LAMB1: variants seen among roughly 807,000 people sequenced by gnomAD.
The protein encoded by LAMB1 is laminin subunit beta-1.
LAMB1 carries 121 observed loss-of-function variants against 222.3 expected under a neutral mutation model. The observed-to-expected ratio is 0.54, with a 90% CI of 0.47 to 0.63. The LOEUF (loss-of-function observed/expected upper bound fraction) is 0.63. LAMB1 is among the 30% of genes least tolerant of loss of function. The pLI is 0.00. For missense variants in LAMB1, 2,172 were observed against 2,240.8 expected (o/e 0.97, Z 0.62); for synonymous variants, 794 against 807.2 (o/e 0.98, Z 0.28).
At chr7:107,944,567 G>A (rs2033070073) in intron 24 of LAMB1, among the ~76,000 whole-genome samples, 3 of 152,136 alleles carry the variant, frequency 2.0e-5, no homozygotes, top group Admixed American at 2.0e-4. Flanking sequence ...AGTCTCAAAT[G>A]TACCAGGTTT....
At chr7:107,924,461 T>A in intron 32 of LAMB1, 72 bp from the exon 33 acceptor site, 1 of 1,207,314 alleles carries the variant, frequency 8.3e-7, no homozygotes, top group Non-Finnish European at 1.1e-6. Flanking sequence ...AGCAATAGTG[T>A]AATCATGGCA....
chr7:107,936,000 C>T (rs931417599), intron 26 of LAMB1, among the ~76,000 whole-genome samples: 9 of 152,162 alleles, frequency 5.9e-5, no homozygotes, highest in South Asian at 2.1e-4. Flanking sequence ...ATCCTTTATT[C>T]GGATCCACTC....
chr7:108,001,446 C>CTGCGCTTCCTATCTGGAT (rs2034381179), intron 3 of LAMB1, 112 bp downstream of exon 3: 2 of 1,242,766 alleles, frequency 1.6e-6, no homozygotes, highest in Non-Finnish European at 2.2e-6. Context: ...CCCCGGCTGG[C>CTGCGCTTCCTATCTGGAT]TGCGCTTCCT....
At chr7:107,959,606 A>G in intron 19 of LAMB1, 85 bp downstream of exon 19, 1 of 1,612,862 alleles carries the variant, frequency 6.2e-7, no homozygotes, top group Non-Finnish European at 8.5e-7. Flanking sequence ...TCAGGAGGGA[A>G]GCATCGGCTC....
intron 17 of LAMB1, 134 bp from the exon 18 acceptor site, chr7:107,960,783 T>C: frequency 2.9e-6 from 2 of 689,468 alleles, no homozygotes; most frequent in Non-Finnish European, 4.9e-6. Context: ...TTAAATAAAG[T>C]ATAAACCTCC....
chr7:107,954,938 A>G (rs2033343067), intron 21 of LAMB1, among the ~76,000 whole-genome samples: 1 of 151,946 alleles, frequency 6.6e-6, no homozygotes, highest in South Asian at 2.1e-4. Flanking sequence ...TTACATATAA[A>G]CATAATCAGT....
rs387907344 is a variant in LAMB1 at position 107,961,205 on chromosome 7, C to A, written c.2109+1G>T. Reference sequence around the variant, plus strand: ...TATGCCAGAAGCAATCTCGCACTTACAGAATCGATCAGCGTGTAGGGGCTC... The same window carrying A: ...TATGCCAGAAGCAATCTCGCACTTAAAGAATCGATCAGCGTGTAGGGGCTC... On this transcript the variant is annotated splice_donor_variant, in intron 17 of 33. Transcript: ENST00000222399. LOFTEE classifies it high-confidence loss of function. 2 of 1,613,998 alleles carry A rather than the reference C, an allele frequency of 1.2e-6. No homozygotes were observed. Among genetic ancestry groups the A allele is most frequent in the East Asian group, 2.2e-5 (1 of 44,870 alleles).
At chr7:107,928,614 TC>T (rs1473566914) in intron 31 of LAMB1, among the ~76,000 whole-genome samples, 1 of 152,008 alleles carries the variant, frequency 6.6e-6, no homozygotes, top group African/African-American at 2.4e-5. Flanking sequence ...TGCCTTAGCC[TC>T]CCAGGTAGCT....
In LAMB1 at chr7:107,932,284, G is replaced by GCC. The variant is rs752734751; in HGVS notation, c.4280_4281dup (p.Pro1428GlyfsTer26). 6 of 1,614,038 alleles carry GCC rather than the reference G, an allele frequency of 3.7e-6. No individual in the cohort carries two copies. The highest frequency in any genetic ancestry group is 2.2e-5 in the East Asian group (1 of 44,900). ...ACAGTAACCAGACCACCACAGCCAG[G>GCC]CCCCCCACACTTCCTCTCTCCTTCG... is the stretch of plus-strand genomic sequence containing the variant. On this transcript the variant is annotated frameshift_variant, in exon 28 of 34. Coordinates refer to ENST00000222399, the MANE Select transcript of LAMB1 (RefSeq NM_002291.3). LOFTEE classifies it high-confidence loss of function.
At position 107,952,216 on chromosome 7, in the gene LAMB1, GACAC is replaced by G. The variant is rs764285590; in HGVS notation, c.3083_3086del (p.Cys1028SerfsTer32). On this transcript the variant is annotated frameshift_variant, in exon 23 of 34. Coordinates refer to ENST00000222399, the MANE Select transcript of LAMB1 (RefSeq NM_002291.3). LOFTEE classifies it high-confidence loss of function. ...CTTGCACGGTGCCCAGGTAATTACA[GACAC>G]ACTCTGCAAAAGAACATCACATTTA... The G allele has an allele frequency of 6.3e-7, 1 of 1,597,014 alleles. No individual in the cohort carries two copies. The highest frequency in any genetic ancestry group is 1.7e-5 in the Admixed American group (1 of 59,546).
At chr7:107,962,812 A>G in intron 15 of LAMB1, 93 bp downstream of exon 15, 1 of 1,038,180 alleles carries the variant, frequency 9.6e-7, no homozygotes, top group Non-Finnish European at 1.4e-6. Context: ...CAACCTCCAT[A>G]TTTCATAACT....
In LAMB1 at chr7:107,975,234, A is replaced by G; in HGVS notation, c.1369T>C (p.Ser457Pro). ...CAAACTTTTTAGCAAACAGACCTAC[A>G]TTTACAACCAAATGGATCTTCACTG... ...LSSEDPFGCKSCACNPLGTIP... is the reference protein window; with the variant it reads ...LSSEDPFGCKPCACNPLGTIP... Residue 457 changes from serine to proline, a missense_variant and splice_region_variant, in exon 11 of 34, where the codon TCT becomes CCT. Coordinates refer to ENST00000222399, the MANE Select transcript of LAMB1 (RefSeq NM_002291.3). The G allele has an allele frequency of 6.2e-7, 1 of 1,609,724 alleles. No individual in the cohort carries two copies. Among genetic ancestry groups the G allele is most frequent in the East Asian group, 2.2e-5 (1 of 44,774 alleles).
At chr7:107,997,098 T>G (rs754460248) in intron 4 of LAMB1, among the ~76,000 whole-genome samples, 1 of 152,332 alleles carries the variant, frequency 6.6e-6, no homozygotes, top group African/African-American at 2.4e-5. Flanking sequence ...CCAACTCTCC[T>G]TAGAAACCAA....
At chr7:107,965,861 G>A (rs2033624611) in intron 13 of LAMB1, among the ~76,000 whole-genome samples, 1 of 152,064 alleles carries the variant, frequency 6.6e-6, no homozygotes, top group South Asian at 2.1e-4. Context: ...CACACTTTGG[G>A]AGGCCAAGGC....
At chr7:107,994,595 A>C (rs2150452879) in intron 5 of LAMB1, among the ~76,000 whole-genome samples, 1 of 152,330 alleles carries the variant, frequency 6.6e-6, no homozygotes, top group Admixed American at 6.5e-5. Flanking sequence ...TGCGGTTTGG[A>C]AAAGGGTCAA....
chr7:107,992,944 A>G (rs1033327319), intron 5 of LAMB1, among the ~76,000 whole-genome samples: 3 of 152,080 alleles, frequency 2.0e-5, no homozygotes, highest in Non-Finnish European at 4.4e-5. Context: ...ATTCTGTCCT[A>G]TGTCCTATGA....
In LAMB1 at chr7:107,979,092, T is replaced by G. The variant is rs1584526423; in HGVS notation, c.880-925A>C. Among the ~76,000 whole-genome samples the G allele has an allele frequency of 3.3e-5, 5 of 152,344 alleles. No homozygotes were observed. The East Asian group carries it at 9.7e-4, about 29-fold the overall frequency. On this transcript the variant is annotated intron_variant, in intron 8 of 33. Transcript: ENST00000222399. ...CAAAGCACATACCATAAGACCCTAC[T>G]GGGCCTGAATCAACAGCACATGCTG... is the stretch of plus-strand genomic sequence containing the variant.
intron 12 of LAMB1, among the ~76,000 whole-genome samples, chr7:107,973,925 T>G (rs2023273): frequency 0.49 from 74,832 of 151,890 alleles, 18,825 homozygotes; most frequent in East Asian, 0.73. Context: ...GGATTACAGG[T>G]GTGAGCCATT....
chr7:107,959,037 C>T (rs1242164247), intron 20 of LAMB1, among the ~76,000 whole-genome samples: 2 of 152,130 alleles, frequency 1.3e-5, no homozygotes, highest in Admixed American at 6.5e-5. Context: ...TTGTTCTCTG[C>T]GGTATCTCCA....
Sources: gnomAD v4.1 joint callset for allele counts (sites outside exome capture counted in the v4.1 genomes callset) on GRCh38, gnomAD v4.1.1 for gene constraint, MANE v1.5 for transcripts, NCBI Gene and HGNC (gene_info 2026-07-23, HGNC 2026-07-21) for gene names.